Variants in ARHGEF26 observed in about 807,000 individuals in gnomAD.
The protein encoded by ARHGEF26 is Rho guanine nucleotide exchange factor (GEF) 26.
ARHGEF26 carries 59 observed loss-of-function variants against 89.4 expected under a neutral mutation model. The ratio of observed to expected loss-of-function variants is 0.66; its 90% CI spans 0.54 to 0.82. The LOEUF (loss-of-function observed/expected upper bound fraction) is 0.82, where lower values mean the gene tolerates loss of function less well. Among genes scored for constraint, ARHGEF26 ranks in the 40% least tolerant of loss-of-function variants. The probability of loss-of-function intolerance (pLI) is 0.00; values close to 1 mark genes in which losing one functional copy is unlikely to be tolerated. For synonymous variants in ARHGEF26, 500 were observed against 428.4 expected, an observed-to-expected ratio of 1.17 and a Z score of -2.06; for missense variants, 1,234 against 1,085.6, an observed-to-expected ratio of 1.14 and a Z score of -1.92.
chr3:154,183,482 G>C (rs1349681257), intron 6 of ARHGEF26, among the ~76,000 whole-genome samples: 1 of 152,098 alleles, frequency 6.6e-6, no homozygotes, highest in Non-Finnish European at 1.5e-5. Flanking sequence ...TTTCATCCAG[G>C]GAACCAGAAT....
chr3:154,163,129 G>T (rs768673714), intron 6 of ARHGEF26, among the ~76,000 whole-genome samples: 17 of 152,094 alleles, frequency 1.1e-4, no homozygotes, highest in Non-Finnish European at 2.4e-4. Context: ...TTATTTCAGT[G>T]TTTAATATTA....
chr3:154,231,149 G>T (rs781587815), intron 11 of ARHGEF26, among the ~76,000 whole-genome samples: 2 of 152,176 alleles, frequency 1.3e-5, no homozygotes, highest in African/African-American at 4.8e-5. Context: ...GCTTATTTCT[G>T]ACCATTTTGG....
At chr3:154,233,510 T>G (rs1716935027) in intron 11 of ARHGEF26, among the ~76,000 whole-genome samples, 1 of 152,216 alleles carries the variant, frequency 6.6e-6, no homozygotes, top group South Asian at 2.1e-4. Context: ...AGAATTTCCT[T>G]TGATCTCATA....
intron 7 of ARHGEF26, among the ~76,000 whole-genome samples, chr3:154,188,606 A>G (rs1028775257): frequency 6.6e-6 from 1 of 152,098 alleles, no homozygotes; most frequent in African/African-American, 2.4e-5. Flanking sequence ...CCAGTTTGGG[A>G]GCTTAATGGC....
chr3:154,136,091 T>C (rs570099172), intron 4 of ARHGEF26, among the ~76,000 whole-genome samples: 8 of 152,326 alleles, frequency 5.3e-5, no homozygotes, highest in South Asian at 2.1e-4. Flanking sequence ...AGTCATCCTC[T>C]ACTGCACTCT....
intron 3 of ARHGEF26, among the ~76,000 whole-genome samples, chr3:154,127,151 T>C (rs1037968513): frequency 3.9e-5 from 6 of 152,200 alleles, no homozygotes; most frequent in African/African-American, 1.4e-4. Context: ...TGTACACTAT[T>C]GTAGACTTTA....
At chr3:154,202,749 A>G (rs1199442517) in intron 9 of ARHGEF26, among the ~76,000 whole-genome samples, 2 of 141,476 alleles carry the variant, frequency 1.4e-5, no homozygotes, top group Admixed American at 7.3e-5. Context: ...TAGGTATTTT[A>G]TTCTCTTTGA....
chr3:154,159,608 C>G (rs1009295717), intron 6 of ARHGEF26, among the ~76,000 whole-genome samples: 1 of 152,068 alleles, frequency 6.6e-6, no homozygotes, highest in Non-Finnish European at 1.5e-5. Context: ...ACATTAAAAA[C>G]TACCTTACAT....
At position 154,135,374 on chromosome 3, in the gene ARHGEF26, A is replaced by G. The variant is rs548597874; in HGVS notation, c.1269+5655A>G. On this transcript the variant is annotated intron_variant, in intron 4 of 14. Coordinates refer to ENST00000465093, the MANE Select transcript of ARHGEF26 (RefSeq NM_015595.4). ...CTACTTTATGTGCCTAGAGGTATTC[A>G]TAATGTTTTCTGATGGTTGTTTGTA... 4.6e-5 allele frequency among the ~76,000 whole-genome samples: 7 copies of G among 152,216 alleles called. No individual in the cohort carries two copies. The South Asian group carries it at 1.5e-3, about 32-fold the overall frequency.
chr3:154,209,259 C>A (rs761494875), intron 9 of ARHGEF26, among the ~76,000 whole-genome samples: 1 of 151,990 alleles, frequency 6.6e-6, no homozygotes, highest in Non-Finnish European at 1.5e-5. Flanking sequence ...AGGATTGGTC[C>A]CTGGTTCCTT....
chr3:154,178,643 A>G (rs1712981582), intron 6 of ARHGEF26, among the ~76,000 whole-genome samples: 1 of 152,140 alleles, frequency 6.6e-6, no homozygotes, highest in Non-Finnish European at 1.5e-5. Context: ...TCATTAATTG[A>G]TGGATATTGG....
At chr3:154,239,356 T>C (rs1214785782) in intron 11 of ARHGEF26, among the ~76,000 whole-genome samples, 4 of 117,102 alleles carry the variant, frequency 3.4e-5, no homozygotes, top group Admixed American at 2.7e-4. Flanking sequence ...AGAAGTATTG[T>C]TGGAGAGAGA....
intron 9 of ARHGEF26, among the ~76,000 whole-genome samples, chr3:154,205,788 AC>A (rs766352539): frequency 2.0e-5 from 3 of 152,064 alleles, no homozygotes; most frequent in Non-Finnish European, 4.4e-5. Context: ...TTAACTTTGT[AC>A]CCCCACTTTT....
chr3:154,193,015 G>A (rs1012368388), intron 8 of ARHGEF26, among the ~76,000 whole-genome samples: 1 of 151,874 alleles, frequency 6.6e-6, no homozygotes, highest in Admixed American at 6.6e-5. Flanking sequence ...TTCATGCCAT[G>A]ATTGCTCAGT....
chr3:154,193,656 C>G (rs1477092146), intron 8 of ARHGEF26, among the ~76,000 whole-genome samples: 2 of 152,128 alleles, frequency 1.3e-5, no homozygotes, highest in African/African-American at 2.4e-5. Flanking sequence ...AAAATAAACA[C>G]TTTCAGTAAT....
Position 154,176,844 on chromosome 3 carries a change from A to G in ARHGEF26, c.1488-10841A>G, listed in dbSNP as rs930994335. On this transcript the variant is annotated intron_variant, in intron 6 of 14. Coordinates refer to ENST00000465093, the MANE Select transcript of ARHGEF26 (RefSeq NM_015595.4). ...TCTTTTTATGAGATGAGGTTTTCCT[A>G]CATTGCCCAGGCTAGTCTCGAACTC... 3.9e-5 allele frequency among the ~76,000 whole-genome samples: 6 copies of G among 152,288 alleles called. No homozygotes were observed. The East Asian group carries it at 5.8e-4, about 15-fold the overall frequency.
At chr3:154,163,534 G>T (rs1711797019) in intron 6 of ARHGEF26, among the ~76,000 whole-genome samples, 1 of 152,134 alleles carries the variant, frequency 6.6e-6, no homozygotes, top group African/African-American at 2.4e-5. Context: ...ATTTTAATCT[G>T]CCAGGGATTA....
At chr3:154,146,679 A>C (rs1719724791) in intron 4 of ARHGEF26, among the ~76,000 whole-genome samples, 1 of 152,170 alleles carries the variant, frequency 6.6e-6, no homozygotes, top group Non-Finnish European at 1.5e-5. Context: ...CTATTATAAC[A>C]TTAGCAAGTT....
At chr3:154,180,879 C>T (rs938476354) in intron 6 of ARHGEF26, among the ~76,000 whole-genome samples, 5 of 151,984 alleles carry the variant, frequency 3.3e-5, no homozygotes, top group Non-Finnish European at 2.9e-5. Context: ...ATATTTGTGT[C>T]GAATCAACAC....
Sources: allele counts gnomAD v4.1 joint callset (sites outside exome capture counted in the v4.1 genomes callset), GRCh38; gene constraint gnomAD v4.1.1; transcripts MANE v1.5; gene names NCBI Gene and HGNC (gene_info 2026-07-23, HGNC 2026-07-21).